Variants in KLHL29 observed in about 807,000 individuals in gnomAD.
The protein encoded by KLHL29 is kelch-like protein 29.
In KLHL29, 21 loss-of-function variants were observed where a neutral mutation model predicts 80.4. The observed-to-expected ratio is 0.26, with a 90% CI of 0.19 to 0.38. KLHL29 has a LOEUF of 0.38. KLHL29 is among the 10% of genes least tolerant of loss of function. The probability of loss-of-function intolerance (pLI) is 1.00; values close to 1 mark genes in which losing one functional copy is unlikely to be tolerated. For synonymous variants in KLHL29, 511 were observed against 526.8 expected, an observed-to-expected ratio of 0.97 and a Z score of 0.41; for missense variants, 867 against 1,223.9, an observed-to-expected ratio of 0.71 and a Z score of 4.35.
intron 2 of KLHL29, among the ~76,000 whole-genome samples, chr2:23,561,132 A>T (rs915799158): frequency 3.3e-5 from 5 of 152,116 alleles, no homozygotes; most frequent in African/African-American, 1.2e-4. Flanking sequence ...ACCCTAACCC[A>T]CCACCACTTG....
chr2:23,408,994 G>T (rs919963704), intron 1 of KLHL29, among the ~76,000 whole-genome samples: 4 of 152,138 alleles, frequency 2.6e-5, no homozygotes, highest in Non-Finnish European at 5.9e-5. Context: ...TTGTTGGGGG[G>T]TGTGTGAGGG....
chr2:23,394,272 T>C (rs1224060155), intron 1 of KLHL29, among the ~76,000 whole-genome samples: 1 of 152,230 alleles, frequency 6.6e-6, no homozygotes, highest in Non-Finnish European at 1.5e-5. Context: ...AACCTGCAGC[T>C]AAGCTTAGCC....
At chr2:23,624,083 A>G (rs1276687985) in intron 3 of KLHL29, among the ~76,000 whole-genome samples, 1 of 152,180 alleles carries the variant, frequency 6.6e-6, no homozygotes, top group African/African-American at 2.4e-5. Context: ...TCCAGGGAGA[A>G]TGGCCCCTGG....
At chr2:23,686,056 T>C (rs948460717) in intron 6 of KLHL29, among the ~76,000 whole-genome samples, 1 of 151,826 alleles carries the variant, frequency 6.6e-6, no homozygotes, top group African/African-American at 2.4e-5. Context: ...GAACACGTGC[T>C]AGGAGGGAAC....
intron 2 of KLHL29, among the ~76,000 whole-genome samples, chr2:23,516,661 C>G (rs1709298): frequency 0.56 from 85,665 of 152,148 alleles, 25,346 homozygotes; most frequent in African/African-American, 0.66. Context: ...CAGCTGACTT[C>G]TTGGCAGACT....
In KLHL29 at chr2:23,556,899, T is replaced by G. The variant is rs528615776; in HGVS notation, c.-45-5253T>G. Among the ~76,000 whole-genome samples the G allele has an allele frequency of 8.5e-5, 13 of 152,324 alleles. No individual in the cohort carries two copies. In the South Asian group the frequency reaches 2.7e-3, roughly 32 times the overall value. ...GCCTCTAGAGCATTTTCTTCACATG[T>G]GCATGTAATTTAAACAGGTGCTAGC... is the stretch of plus-strand genomic sequence containing the variant. On this transcript the variant is annotated intron_variant, in intron 2 of 13. Coordinates refer to ENST00000486442, the MANE Select transcript of KLHL29 (RefSeq NM_052920.2).
intron 2 of KLHL29, among the ~76,000 whole-genome samples, chr2:23,557,593 A>T (rs563970927): frequency 4.9e-4 from 75 of 152,098 alleles, no homozygotes; most frequent in Admixed American, 3.5e-3. Flanking sequence ...CATTCACCAG[A>T]ACTGTAAGGC....
chr2:23,607,857 A>G (rs575951156), intron 3 of KLHL29, among the ~76,000 whole-genome samples: 12 of 152,338 alleles, frequency 7.9e-5, no homozygotes, highest in South Asian at 4.1e-4. Flanking sequence ...GTCTTCCACA[A>G]AAGTGGTCCC....
chr2:23,412,128 G>GCA (rs1558328527), intron 1 of KLHL29, among the ~76,000 whole-genome samples: 3 of 148,172 alleles, frequency 2.0e-5, no homozygotes, highest in Admixed American at 2.0e-4. Flanking sequence ...GTGAAGGGGG[G>GCA]GGGGGGGCGG....
chr2:23,705,572 G>A (rs1672666444), intron 13 of KLHL29, among the ~76,000 whole-genome samples: 1 of 152,066 alleles, frequency 6.6e-6, no homozygotes, highest in Non-Finnish European at 1.5e-5. Flanking sequence ...GGTAATAGGT[G>A]CACCACAGAA....
At chr2:23,419,498 G>C (rs1163297707) in intron 1 of KLHL29, among the ~76,000 whole-genome samples, 2 of 152,186 alleles carry the variant, frequency 1.3e-5, no homozygotes. Flanking sequence ...TTTCCTCCTT[G>C]TCCCTGTCTC....
At chr2:23,409,132 C>G (rs1171090589) in intron 1 of KLHL29, among the ~76,000 whole-genome samples, 1 of 152,146 alleles carries the variant, frequency 6.6e-6, no homozygotes. Flanking sequence ...GTATGAAGAA[C>G]CAGTCAGACA....
chr2:23,696,352 G>GACTC lies in KLHL29; in HGVS notation c.1946_1947insTCAC (p.Leu650HisfsTer4). The GACTC allele has an allele frequency of 6.4e-7, 1 of 1,551,588 alleles. No homozygotes were observed. The highest frequency in any genetic ancestry group is 8.7e-7 in the Non-Finnish European group (1 of 1,146,968). The stretch of plus-strand genomic sequence containing the variant: ...CTCCAGGTGGGATGGAATCAGGGGT[G>GACTC]ACGCTGGCTGATGTCTGGTGCTACA... On this transcript the variant is annotated frameshift_variant, in exon 11 of 14. Coordinates refer to ENST00000486442, the MANE Select transcript of KLHL29 (RefSeq NM_052920.2). LOFTEE classifies it high-confidence loss of function. The surrounding 1 kb of genome is among the most constrained non-coding windows in gnomAD (Gnocchi z 5.5).
intron 1 of KLHL29, among the ~76,000 whole-genome samples, chr2:23,445,124 A>G (rs1201715728): frequency 2.0e-5 from 3 of 152,210 alleles, no homozygotes; most frequent in African/African-American, 4.8e-5. Context: ...TTAAAGTTGC[A>G]GTTTCCAAGA....
At chr2:23,560,267 T>C (rs1667415067) in intron 2 of KLHL29, among the ~76,000 whole-genome samples, 1 of 113,968 alleles carries the variant, frequency 8.8e-6, no homozygotes. Context: ...GATAGGCTTT[T>C]TTTTTTTTTT....
chr2:23,411,277 A>G (rs1040801532), intron 1 of KLHL29, among the ~76,000 whole-genome samples: 1 of 152,132 alleles, frequency 6.6e-6, no homozygotes, highest in African/African-American at 2.4e-5. Context: ...CAGGGTAGTG[A>G]GAACATTTGG....
At chr2:23,574,911 G>A (rs1252319335) in intron 3 of KLHL29, among the ~76,000 whole-genome samples, 1 of 152,178 alleles carries the variant, frequency 6.6e-6, no homozygotes, top group Non-Finnish European at 1.5e-5. Context: ...ATGCAGACCA[G>A]TGTGTGCTGG....
chr2:23,651,649 T>C (rs1169206780), intron 5 of KLHL29, among the ~76,000 whole-genome samples: 1 of 152,212 alleles, frequency 6.6e-6, no homozygotes, highest in Non-Finnish European at 1.5e-5. Flanking sequence ...GTAGATATTC[T>C]GACTTTTCAT....
intron 1 of KLHL29, among the ~76,000 whole-genome samples, chr2:23,446,305 CA>C: frequency 6.6e-6 from 1 of 151,032 alleles, no homozygotes; most frequent in East Asian, 2.0e-4. Context: ...CTACCTTTAT[CA>C]TACACCAAAT....
Sources: gnomAD v4.1 joint callset for allele counts (sites outside exome capture counted in the v4.1 genomes callset) on GRCh38, gnomAD v4.1.1 for gene constraint, Gnocchi (gnomAD v3.1) non-coding constraint, MANE v1.5 for transcripts, NCBI Gene and HGNC (gene_info 2026-07-23, HGNC 2026-07-21) for gene names.